SYT9: variants seen among roughly 807,000 people sequenced by gnomAD.
SYT9 encodes the protein synaptotagmin-9.
In SYT9, 22 loss-of-function variants were observed where a neutral mutation model predicts 48.4. The observed-to-expected ratio is 0.45, with a 90% CI of 0.32 to 0.65. SYT9 has a LOEUF of 0.65. Among genes scored for constraint, SYT9 ranks in the 30% least tolerant of loss-of-function variants. SYT9 has a pLI of 0.03. For missense variants in SYT9, 577 were observed against 622.0 expected (o/e 0.93, Z 0.77); for synonymous variants, 265 against 245.0 (o/e 1.08, Z -0.76).
chr11:7,342,278 A>G (rs1298291157), intron 3 of SYT9, among the ~76,000 whole-genome samples: 8 of 152,176 alleles, frequency 5.3e-5, no homozygotes, highest in Non-Finnish European at 1.2e-4. Flanking sequence ...TCATAGTCCA[A>G]AGACTCATCT....
chr11:7,383,363 G>A (rs998574196), intron 3 of SYT9, among the ~76,000 whole-genome samples: 1 of 152,230 alleles, frequency 6.6e-6, no homozygotes, highest in Admixed American at 6.5e-5. Context: ...GGGAAGGAGG[G>A]AAGGGAAACC....
At chr11:7,440,882 G>A (rs1847818314) in intron 6 of SYT9, 1 of 152,214 alleles carries the variant, frequency 6.6e-6, no homozygotes, top group African/African-American at 2.4e-5. Flanking sequence ...ATACCAGGAG[G>A]AAGAGTAAGA....
intron 3 of SYT9, among the ~76,000 whole-genome samples, chr11:7,368,799 A>G (rs970674999): frequency 1.1e-4 from 17 of 151,988 alleles, no homozygotes; most frequent in Admixed American, 5.2e-4. Flanking sequence ...AGTCTTTGCT[A>G]TTGTGAATAT....
At chr11:7,413,780 A>C (rs11041361) in intron 3 of SYT9, among the ~76,000 whole-genome samples, 41,832 of 144,604 alleles carry the variant, frequency 0.29, 6,326 homozygotes, top group African/African-American at 0.33. Context: ...TTTTCTTTTT[A>C]AGAGACAGCA....
At chr11:7,242,172 C>T (rs189735952) in intron 1 of SYT9, among the ~76,000 whole-genome samples, 4 of 152,326 alleles carry the variant, frequency 2.6e-5, no homozygotes, top group East Asian at 1.9e-4. Flanking sequence ...CTCTAATGTG[C>T]GTTGGTCAGA....
chr11:7,433,070 C>G (rs1414889655), intron 6 of SYT9, among the ~76,000 whole-genome samples: 1 of 152,042 alleles, frequency 6.6e-6, no homozygotes, highest in East Asian at 1.9e-4. Flanking sequence ...TTGGTGCTAC[C>G]CTCATGCTAG....
intron 3 of SYT9, among the ~76,000 whole-genome samples, chr11:7,387,157 G>C (rs1420386143): frequency 1.3e-5 from 2 of 152,106 alleles, no homozygotes; most frequent in Non-Finnish European, 2.9e-5. Context: ...GTGGGGTGTG[G>C]TGGGGGGATA....
upstream of SYT9, among the ~76,000 whole-genome samples, chr11:7,248,804 T>C (rs140072642): frequency 5.4e-3 from 827 of 152,204 alleles, 9 homozygotes; most frequent in African/African-American, 0.018. Context: ...AATACCACCA[T>C]CATTCTTCAT....
rs1040791373 is a variant in SYT9 at position 7,368,883 on chromosome 11, T to C, written c.1045-47159T>C. Among the ~76,000 whole-genome samples, 7 of 152,340 alleles carry C rather than the reference T, an allele frequency of 4.6e-5. No individual in the cohort carries two copies. The East Asian group carries it at 1.2e-3, about 25-fold the overall frequency. The stretch of plus-strand genomic sequence containing the variant: ...CCACATTTTTTTATCCAGTCTGTCA[T>C]TGATGGGCATTTGGGTGGTTCTAAG... On this transcript the variant is annotated intron_variant, in intron 3 of 6. Coordinates refer to ENST00000318881, the MANE Select transcript of SYT9 (RefSeq NM_175733.4).
At chr11:7,284,346 C>T (rs1398976778) in intron 1 of SYT9, among the ~76,000 whole-genome samples, 2 of 152,226 alleles carry the variant, frequency 1.3e-5, no homozygotes, top group East Asian at 3.9e-4. Context: ...CTTTCTCTTT[C>T]TTGAATTCCT....
chr11:7,336,543 C>T (rs1437166915), intron 3 of SYT9, among the ~76,000 whole-genome samples: 3 of 152,052 alleles, frequency 2.0e-5, no homozygotes, highest in African/African-American at 4.8e-5. Context: ...GGTCTAGTTT[C>T]GATCATCTTC....
chr11:7,416,237 A>G, intron 4 of SYT9, 75 bp downstream of exon 4: 1 of 1,561,272 alleles, frequency 6.4e-7, no homozygotes, highest in South Asian at 1.1e-5. Flanking sequence ...TTAGTATGGT[A>G]ATAAAGCACA....
chr11:7,407,412 C>T (rs1847042937), intron 3 of SYT9, among the ~76,000 whole-genome samples: 2 of 38,320 alleles, frequency 5.2e-5, no homozygotes, highest in South Asian at 8.8e-4. Context: ...CTCGCTCTGT[C>T]GCCCAGGCCG....
rs1260853761 is a variant in SYT9 at position 7,252,992 on chromosome 11, C to G, written c.145+661C>G. On this transcript the variant is annotated intron_variant, in intron 1 of 6. Transcript: ENST00000318881. The surrounding 1 kb of genome is among the most constrained non-coding windows in gnomAD (Gnocchi z 6.3). Reference sequence around the variant, plus strand: ...GACTACCGCCGGCCACGATGGGGTTCGTAGACTCGTCGGTCCTGGCTTGTG... The same window carrying G: ...GACTACCGCCGGCCACGATGGGGTTGGTAGACTCGTCGGTCCTGGCTTGTG... Among the ~76,000 whole-genome samples, 1 of 152,236 alleles carries G rather than the reference C, an allele frequency of 6.6e-6. No individual in the cohort carries two copies. Among genetic ancestry groups the G allele is most frequent in the Non-Finnish European group, 1.5e-5 (1 of 68,042 alleles).
intron 6 of SYT9, chr11:7,427,637 A>G (rs1847487170): frequency 6.6e-6 from 1 of 152,258 alleles, no homozygotes; most frequent in Admixed American, 6.5e-5. Context: ...ACACAAGGTA[A>G]TGCTTTGCCC....
In SYT9 at chr11:7,316,833, T is replaced by C. The variant is rs1849251776; in HGVS notation, c.1044+2892T>C. Reference sequence around the variant, plus strand: ...TGATCAATGTATGTGTGTGCATGTATGCAAAATGATATATTATTGGCATTT... The same window carrying C: ...TGATCAATGTATGTGTGTGCATGTACGCAAAATGATATATTATTGGCATTT... On this transcript the variant is annotated intron_variant, in intron 3 of 6. Coordinates refer to ENST00000318881, the MANE Select transcript of SYT9 (RefSeq NM_175733.4). 3.9e-5 allele frequency among the ~76,000 whole-genome samples: 6 copies of C among 152,262 alleles called. No homozygotes were observed. In the South Asian group the frequency reaches 1.2e-3, roughly 32 times the overall value.
In SYT9 at chr11:7,313,471, T is replaced by C; in HGVS notation, c.574T>C (p.Leu192=). The change falls in exon 3 of 7, where the codon TTG becomes CTG. Residue 192 remains leucine (L), a synonymous_variant. Transcript: ENST00000318881. ...CCAGCAGCTTCAAAAACAGGAACAG[T>C]TGACTGGAATTGGTAGAATTAAACC... The part of the protein sequence containing the change: ...NIQQLQKQEQ[L]TGIGRIKPEL... The C allele has an allele frequency of 6.2e-7, 1 of 1,614,078 alleles. No homozygotes were observed. The highest frequency in any genetic ancestry group is 1.1e-5 in the South Asian group (1 of 91,052).
chr11:7,239,730 C>T (rs1462678964), intron 1 of SYT9, among the ~76,000 whole-genome samples: 1 of 151,948 alleles, frequency 6.6e-6, no homozygotes, highest in Non-Finnish European at 1.5e-5. Context: ...AAGGACACAC[C>T]TAAAAGCAAC....
At chr11:7,428,941 A>C (rs1156423643) in intron 6 of SYT9, among the ~76,000 whole-genome samples, 1 of 152,194 alleles carries the variant, frequency 6.6e-6, no homozygotes, top group African/African-American at 2.4e-5. Flanking sequence ...CCATGAGTGA[A>C]TACTTAAGTT....
Sources: allele counts gnomAD v4.1 joint callset (sites outside exome capture counted in the v4.1 genomes callset), GRCh38; gene constraint gnomAD v4.1.1; non-coding constraint Gnocchi (gnomAD v3.1); transcripts MANE v1.5; gene names NCBI Gene and HGNC (gene_info 2026-07-23, HGNC 2026-07-21).